Variants in DCAF1 observed in about 807,000 individuals in gnomAD.
The protein encoded by DCAF1 is DDB1- and CUL4-associated factor 1.
Under a neutral mutation model 128.0 loss-of-function variants are expected in DCAF1, and 15 were observed. That is an observed-to-expected ratio of 0.12 (90% CI 0.08 to 0.18). The LOEUF is 0.18. Among genes scored for constraint, DCAF1 ranks in the 10% least tolerant of loss-of-function variants. The pLI is 1.00. For missense variants in DCAF1, 988 were observed against 1,649.5 expected, an observed-to-expected ratio of 0.60 and a Z score of 6.95; for synonymous variants, 610 against 603.0, an observed-to-expected ratio of 1.01 and a Z score of -0.17.
downstream of DCAF1, chr3:51,397,577 TGAC>T (rs1338703843): frequency 1.2e-5 from 2 of 167,128 alleles, no homozygotes; most frequent in African/African-American, 4.8e-5. Flanking sequence ...ATCCAGAACA[TGAC>T]AACAGAGAGC....
intron 3 of DCAF1, among the ~76,000 whole-genome samples, chr3:51,471,369 G>C (rs1303081506): frequency 1.3e-5 from 2 of 151,590 alleles, no homozygotes; most frequent in Non-Finnish European, 2.9e-5. Context: ...ACTTTTAGTA[G>C]AGACGGGGTT....
upstream of DCAF1, among the ~76,000 whole-genome samples, chr3:51,504,812 T>G (rs1553665004): frequency 6.6e-6 from 1 of 152,136 alleles, no homozygotes; most frequent in Admixed American, 6.5e-5. Context: ...CTATCAGTTA[T>G]TTCATTTCAA....
rs369780330 is a variant in DCAF1, at chr3:51,477,747, CAAAT to C, written c.110+5968_110+5971del. Among the ~76,000 whole-genome samples, 11 of 152,202 alleles carry C rather than the reference CAAAT, an allele frequency of 7.2e-5. No homozygotes were observed. In the East Asian group the frequency reaches 2.1e-3, roughly 29 times the overall value. On this transcript the variant is annotated intron_variant, in intron 3 of 24. Transcript: ENST00000684031. ...TGTATCTTTCAGAGATACTGAGTGA[CAAAT>C]AAGGAAGGTGAAGTTCAGATAAGTG... is the stretch of plus-strand genomic sequence containing the variant.
At chr3:51,414,091 A>G in intron 19 of DCAF1, 48 bp from the exon 20 acceptor site, 1 of 1,516,042 alleles carries the variant, frequency 6.6e-7, no homozygotes, top group African/African-American at 1.4e-5. Flanking sequence ...AAACTTATCT[A>G]ATCTCATGGG....
chr3:51,423,946 A>C (rs1577100287), intron 13 of DCAF1, among the ~76,000 whole-genome samples: 2 of 152,168 alleles, frequency 1.3e-5, no homozygotes, highest in African/African-American at 4.8e-5. Flanking sequence ...TATGTGTTAG[A>C]GTATAGTACA....
chr3:51,479,773 G>A (rs1411223940), intron 3 of DCAF1, among the ~76,000 whole-genome samples: 1 of 152,072 alleles, frequency 6.6e-6, no homozygotes, highest in African/African-American at 2.4e-5. Context: ...TCCAGCCCAG[G>A]CAACAGAGCG....
chr3:51,502,260 C>CA (rs1708838321), upstream of DCAF1, among the ~76,000 whole-genome samples: 1 of 152,152 alleles, frequency 6.6e-6, no homozygotes, highest in Non-Finnish European at 1.5e-5. Context: ...CCAACCTGGT[C>CA]AGAGCACTGT....
At chr3:51,426,360 A>C (rs1553634068) in intron 13 of DCAF1, among the ~76,000 whole-genome samples, 1 of 151,668 alleles carries the variant, frequency 6.6e-6, no homozygotes, top group Non-Finnish European at 1.5e-5. Context: ...CAGGTGCGTA[A>C]CACCACCCCC....
intron 23 of DCAF1, among the ~76,000 whole-genome samples, chr3:51,409,237 C>T (rs966038829): frequency 3.9e-5 from 6 of 152,190 alleles, no homozygotes; most frequent in African/African-American, 9.7e-5. Context: ...AGGAGTATAA[C>T]TCTTAAATTA....
intron 16 of DCAF1, 95 bp downstream of exon 16, chr3:51,418,583 A>T: frequency 6.7e-6 from 10 of 1,501,232 alleles, no homozygotes; most frequent in Non-Finnish European, 8.9e-6. Context: ...ACTCATTTAA[A>T]AGAGAGAGCT....
chr3:51,405,503 A>C (rs1275441250), intron 23 of DCAF1, among the ~76,000 whole-genome samples: 1 of 152,234 alleles, frequency 6.6e-6, no homozygotes, highest in African/African-American at 2.4e-5. Context: ...TGTGACCATG[A>C]GAGAGAGGAG....
chr3:51,497,830 G>A (rs1186916753), intron 1 of DCAF1, among the ~76,000 whole-genome samples: 1 of 151,758 alleles, frequency 6.6e-6, no homozygotes, highest in East Asian at 1.9e-4. Context: ...AGGCTGCAAT[G>A]AGTTATGATG....
intron 6 of DCAF1, among the ~76,000 whole-genome samples, chr3:51,449,700 A>G (rs115621530): frequency 0.011 from 1,634 of 152,274 alleles, 42 homozygotes; most frequent in African/African-American, 0.036. Context: ...CAGAAAGTCA[A>G]TGAAACTAAA....
Position 51,414,609 on chromosome 3 carries a change from G to T in DCAF1, c.3837+15C>A. 2 of 1,606,382 alleles carry T rather than the reference G, an allele frequency of 1.2e-6. No homozygotes were observed. The highest frequency in any genetic ancestry group is 1.7e-6 in the Non-Finnish European group (2 of 1,173,774). Reference sequence around the variant, plus strand: ...AGACAACAAATGGAAGGTAAGACATGAGTATAAAGGATACAATCTCAGTAT... The same window carrying T: ...AGACAACAAATGGAAGGTAAGACATTAGTATAAAGGATACAATCTCAGTAT... On this transcript the variant is annotated intron_variant, in intron 19 of 24. Transcript: ENST00000684031.
intron 9 of DCAF1, among the ~76,000 whole-genome samples, chr3:51,439,189 A>G (rs1701130089): frequency 1.3e-5 from 2 of 151,700 alleles, no homozygotes; most frequent in South Asian, 4.2e-4. Context: ...GGCTCACCCT[A>G]GTGATCTTAG....
In DCAF1 at chr3:51,414,822, A is replaced by C; in HGVS notation, c.3639T>G (p.Thr1213=). 6.2e-7 allele frequency: 1 copy of C among 1,614,048 alleles called. No individual in the cohort carries two copies. Residue 1213 remains threonine (T), a synonymous_variant, in exon 19 of 25, where the codon ACT becomes ACG. Transcript: ENST00000684031. The stretch of plus-strand genomic sequence containing the variant: ...TGTTGGCAAGATCTGGGTTAAACAG[A>C]GTCAACAGCTTGTTGCCAGTCTGAA... ...YDIQTGNKLL[T]LFNPDLANNY...
chr3:51,502,176 G>T (rs1156869715), upstream of DCAF1, among the ~76,000 whole-genome samples: 1 of 152,176 alleles, frequency 6.6e-6, no homozygotes, highest in Non-Finnish European at 1.5e-5. Context: ...CCTTAGGGGA[G>T]CTCAAGGCTT....
At chr3:51,404,008 ACTAT>A (rs1438962300) in intron 23 of DCAF1, among the ~76,000 whole-genome samples, 1 of 152,268 alleles carries the variant, frequency 6.6e-6, no homozygotes, top group African/African-American at 2.4e-5. Context: ...TGCTGGAGAA[ACTAT>A]CTTTCTTTCC....
intron 13 of DCAF1, 74 bp from the exon 14 acceptor site, chr3:51,422,505 CACAG>C (rs1699496738): frequency 1.4e-6 from 1 of 707,610 alleles, no homozygotes; most frequent in African/African-American, 1.7e-5. Context: ...GAGAGAGACA[CACAG>C]ACAGATAGAC....
Sources: gnomAD v4.1 joint callset for allele counts (sites outside exome capture counted in the v4.1 genomes callset) on GRCh38, gnomAD v4.1.1 for gene constraint, MANE v1.5 for transcripts, NCBI Gene and HGNC (gene_info 2026-07-23, HGNC 2026-07-21) for gene names.